Variants in BCKDHB observed in about 807,000 individuals in gnomAD.
BCKDHB encodes the protein branched chain keto acid dehydrogenase E1 subunit beta.
In BCKDHB, 41 loss-of-function variants were observed where a neutral mutation model predicts 48.5. The ratio of observed to expected loss-of-function variants is 0.85; its 90% CI spans 0.66 to 1.10. The LOEUF (loss-of-function observed/expected upper bound fraction) is 1.10. Ranked by LOEUF, BCKDHB falls within the 50% of genes least tolerant of loss-of-function variation. BCKDHB has a pLI of 0.00. For synonymous variants in BCKDHB, 201 were observed against 174.8 expected (o/e 1.15, Z -1.18); for missense variants, 496 against 494.2 (o/e 1.00, Z -0.03).
chr6:80,379,969 A>C, the BCKDHB span, among the ~76,000 whole-genome samples: 3 of 152,274 alleles, frequency 2.0e-5, no homozygotes, highest in East Asian at 5.8e-4. Flanking sequence ...CCCCATGCTC[A>C]TGGATTAGAA....
intron 9 of BCKDHB, among the ~76,000 whole-genome samples, chr6:80,332,608 T>G (rs982812748): frequency 2.6e-5 from 4 of 151,882 alleles, no homozygotes; most frequent in African/African-American, 9.7e-5. Flanking sequence ...AATTACTTAG[T>G]TACCTAAATT....
chr6:80,110,221 A>G (rs1769341897), intron 1 of BCKDHB, among the ~76,000 whole-genome samples: 1 of 152,090 alleles, frequency 6.6e-6, no homozygotes, highest in Admixed American at 6.5e-5. Flanking sequence ...ATTCTTGGGC[A>G]TTGTATGGAT....
the BCKDHB span, among the ~76,000 whole-genome samples, chr6:80,420,882 C>A: frequency 1.5e-4 from 23 of 152,200 alleles, no homozygotes; most frequent in Non-Finnish European, 1.0e-4. Context: ...AATTATGAAC[C>A]AAAGTGATCT....
intron 8 of BCKDHB, among the ~76,000 whole-genome samples, chr6:80,237,922 AAAGAGAGC>A (rs1457844971): frequency 3.3e-5 from 5 of 152,214 alleles, no homozygotes. Flanking sequence ...TAGGGAAAGG[AAAGAGAGC>A]AAGGATGTTG....
At chr6:80,438,128 C>G in the BCKDHB span, among the ~76,000 whole-genome samples, 1 of 152,226 alleles carries the variant, frequency 6.6e-6, no homozygotes, top group East Asian at 1.9e-4. Flanking sequence ...GCAAATTGCA[C>G]TATTATCTCA....
chr6:80,110,934 T>C (rs1257607492), intron 1 of BCKDHB, among the ~76,000 whole-genome samples: 1 of 152,228 alleles, frequency 6.6e-6, no homozygotes, highest in Non-Finnish European at 1.5e-5. Flanking sequence ...TTAACCTGTT[T>C]ATTAATGTGG....
At chr6:80,417,580 T>A in the BCKDHB span, among the ~76,000 whole-genome samples, 2 of 152,220 alleles carry the variant, frequency 1.3e-5, no homozygotes. Flanking sequence ...AAGATCTTAT[T>A]TCTCCTTCAC....
the BCKDHB span, among the ~76,000 whole-genome samples, chr6:80,358,452 A>G: frequency 6.6e-6 from 1 of 151,990 alleles, no homozygotes; most frequent in Non-Finnish European, 1.5e-5. Flanking sequence ...TGCCTTATGT[A>G]TGGTGATTGT....
At chr6:80,406,814 C>T in the BCKDHB span, among the ~76,000 whole-genome samples, 3 of 152,022 alleles carry the variant, frequency 2.0e-5, no homozygotes, top group African/African-American at 7.2e-5. Flanking sequence ...GTTGCCTGTT[C>T]ACTCTGATGA....
At chr6:80,205,304 A>G (rs1774590447) in intron 8 of BCKDHB, among the ~76,000 whole-genome samples, 1 of 151,964 alleles carries the variant, frequency 6.6e-6, no homozygotes, top group African/African-American at 2.4e-5. Flanking sequence ...AATTTATATT[A>G]TAATCTCTTT....
intron 6 of BCKDHB, among the ~76,000 whole-genome samples, chr6:80,173,310 T>C (rs1375935750): frequency 6.6e-6 from 1 of 152,146 alleles, no homozygotes; most frequent in Non-Finnish European, 1.5e-5. Context: ...TTTCAAGGAT[T>C]CTAACTCTGA....
intron 9 of BCKDHB, among the ~76,000 whole-genome samples, chr6:80,333,520 C>T (rs954810350): frequency 2.0e-5 from 3 of 152,050 alleles, no homozygotes; most frequent in African/African-American, 7.2e-5. Context: ...CATGTTGTTT[C>T]TCTGGATTTC....
the BCKDHB span, among the ~76,000 whole-genome samples, chr6:80,443,102 G>T: frequency 6.6e-6 from 1 of 152,036 alleles, no homozygotes; most frequent in South Asian, 2.1e-4. Flanking sequence ...CAGACAAAGG[G>T]CACTGTCAAG....
chr6:80,428,252 T>A, the BCKDHB span, among the ~76,000 whole-genome samples: 1 of 152,214 alleles, frequency 6.6e-6, no homozygotes, highest in East Asian at 1.9e-4. Context: ...TGTACCACAT[T>A]TTCTTAATCC....
At chr6:80,331,727 T>C (rs1423846255) in intron 9 of BCKDHB, among the ~76,000 whole-genome samples, 1 of 152,190 alleles carries the variant, frequency 6.6e-6, no homozygotes, top group Admixed American at 6.5e-5. Flanking sequence ...GCACATTTGC[T>C]CTGCAGCTGT....
intron 8 of BCKDHB, among the ~76,000 whole-genome samples, chr6:80,211,296 G>C (rs558996359): frequency 6.6e-6 from 1 of 152,054 alleles, no homozygotes; most frequent in African/African-American, 2.4e-5. Flanking sequence ...CCTTTATACC[G>C]TACAGTCTTT....
At chr6:80,313,884 T>C (rs1768299410) in intron 9 of BCKDHB, among the ~76,000 whole-genome samples, 1 of 152,182 alleles carries the variant, frequency 6.6e-6, no homozygotes, top group East Asian at 1.9e-4. Flanking sequence ...AGATCTTTCC[T>C]AGCTTTTTTA....
chr6:80,244,022 C>T (rs1776503977), intron 8 of BCKDHB, among the ~76,000 whole-genome samples: 1 of 152,160 alleles, frequency 6.6e-6, no homozygotes, highest in South Asian at 2.1e-4. Flanking sequence ...CTCAAAGTAC[C>T]TAAGACAAAA....
chr6:80,398,790 ACAG>A, the BCKDHB span, among the ~76,000 whole-genome samples: 16 of 152,074 alleles, frequency 1.1e-4, no homozygotes, highest in Non-Finnish European at 2.2e-4. Flanking sequence ...TACAAAAACA[ACAG>A]CAAAAAAACT....
Sources: gnomAD v4.1 joint callset for allele counts (sites outside exome capture counted in the v4.1 genomes callset) on GRCh38, gnomAD v4.1.1 for gene constraint, MANE v1.5 for transcripts, NCBI Gene and HGNC (gene_info 2026-07-23, HGNC 2026-07-21) for gene names.